Variants in SDK2 observed in about 807,000 individuals in gnomAD.
SDK2 encodes sidekick cell adhesion molecule 2.
A neutral mutation model predicts 253.9 loss-of-function variants in SDK2; 105 were observed. The ratio of observed to expected loss-of-function variants is 0.41; its 90% CI spans 0.35 to 0.49. The LOEUF (loss-of-function observed/expected upper bound fraction) is 0.49, where lower values mean the gene tolerates loss of function less well. SDK2 is among the 20% of genes least tolerant of loss of function. SDK2 has a pLI of 0.06. For missense variants in SDK2, 2,608 were observed against 3,003.0 expected (o/e 0.87, Z 3.07); for synonymous variants, 1,249 against 1,234.9 (o/e 1.01, Z -0.24).
rs9894883 is a variant in SDK2, at chr17:73,335,409, C to T, written c.*3178G>A. On this transcript the variant is annotated 3_prime_UTR_variant, in exon 45 of 45. Coordinates refer to ENST00000392650, the MANE Select transcript of SDK2 (RefSeq NM_001144952.2). ...GGCAGGGGCCCTGGCATCACTGGCA[C>T]GGAAAATCACAGGCCAGAAAGGGTC... The T allele has an allele frequency of 0.97, 148,445 of 152,358 alleles. 72,424 individuals carry two copies. The highest frequency in any genetic ancestry group is 1 in the Middle Eastern group (294 of 294). The allele number at this position is 152,358 out of a possible 1,614,324, so 9.4% of individuals were successfully genotyped here.
intron 1 of SDK2, chr17:73,521,289 C>T (rs1014919638): frequency 6.6e-6 from 1 of 151,942 alleles, no homozygotes; most frequent in East Asian, 1.9e-4. Flanking sequence ...AATGTACCCA[C>T]CTCGGCCTCC....
intron 1 of SDK2, among the ~76,000 whole-genome samples, chr17:73,631,062 C>T (rs1046091603): frequency 3.3e-5 from 5 of 152,196 alleles, no homozygotes; most frequent in African/African-American, 1.2e-4. Context: ...CCTGAAGCCA[C>T]AGCCAGAAGC....
intron 4 of SDK2, among the ~76,000 whole-genome samples, chr17:73,454,568 G>A (rs1354492972): frequency 6.6e-6 from 1 of 152,256 alleles, no homozygotes; most frequent in Admixed American, 6.5e-5. Flanking sequence ...GAAGGAGAAC[G>A]AGATTGAGAG....
intron 44 of SDK2, among the ~76,000 whole-genome samples, chr17:73,341,374 C>G (rs1056782027): frequency 4.6e-5 from 7 of 151,974 alleles, no homozygotes. Context: ...CACCCCTTCC[C>G]CTACCCTGAG....
chr17:73,375,054 C>T (rs147226038), intron 36 of SDK2, among the ~76,000 whole-genome samples: 53 of 152,088 alleles, frequency 3.5e-4, no homozygotes, highest in African/African-American at 1.0e-3. Flanking sequence ...TCTCCCATTG[C>T]GCTCCCTGGA....
At chr17:73,582,594 G>A (rs1171142803) in intron 1 of SDK2, among the ~76,000 whole-genome samples, 2 of 152,200 alleles carry the variant, frequency 1.3e-5, no homozygotes, top group Admixed American at 6.5e-5. Context: ...CAGGCTCCCG[G>A]AAGGCTCCTG....
chr17:73,476,857 GC>G (rs1199911685), intron 2 of SDK2, among the ~76,000 whole-genome samples: 4 of 152,152 alleles, frequency 2.6e-5, no homozygotes, highest in Non-Finnish European at 4.4e-5. Context: ...CCTCCCCCAG[GC>G]CGCCCTCTGT....
Position 73,401,117 on chromosome 17 carries a change from G to A in SDK2, c.2874C>T (p.Leu958=), listed in dbSNP as rs781057087. Reference sequence around the variant, plus strand: ...CGATGGTGTAGGTGGTGAGCGCGGTGAGGCCCGTGACACGGTACTCCAGGG... The same window carrying A: ...CGATGGTGTAGGTGGTGAGCGCGGTAAGGCCCGTGACACGGTACTCCAGGG... ...NVTLEYRVTG[L]TALTTYTIEV... is the part of the protein sequence containing the mutation. The change falls in exon 21 of 45, where the codon CTC becomes CTT. Residue 958 remains leucine (L), a synonymous_variant. Coordinates refer to ENST00000392650, the MANE Select transcript of SDK2 (RefSeq NM_001144952.2). 7.7e-6 allele frequency: 12 copies of A among 1,563,662 alleles called. No individual in the cohort carries two copies. The African/African-American group carries it at 9.5e-5, about 12-fold the overall frequency.
chr17:73,389,091 C>CAAA (rs2062904474), intron 29 of SDK2, among the ~76,000 whole-genome samples: 1 of 150,388 alleles, frequency 6.6e-6, no homozygotes, highest in Non-Finnish European at 1.5e-5. Flanking sequence ...ACTACAGCCT[C>CAAA]AAACTCCTTG....
intron 43 of SDK2, among the ~76,000 whole-genome samples, chr17:73,349,267 G>C (rs983549674): frequency 6.6e-6 from 1 of 152,258 alleles, no homozygotes. Context: ...ATTTGGCAGA[G>C]GATAAGAGCT....
At chr17:73,637,882 T>C (rs374348835) in intron 1 of SDK2, among the ~76,000 whole-genome samples, 4 of 152,364 alleles carry the variant, frequency 2.6e-5, no homozygotes, top group Admixed American at 2.0e-4. Context: ...CCAACCCAGA[T>C]GCCAGGCCTG....
intron 1 of SDK2, among the ~76,000 whole-genome samples, chr17:73,531,926 T>C (rs960066914): frequency 6.6e-6 from 1 of 152,168 alleles, no homozygotes; most frequent in Non-Finnish European, 1.5e-5. Context: ...TCCTGGACAC[T>C]GCCAGTCTAG....
chr17:73,636,702 A>AAG (rs1555612504), intron 1 of SDK2, among the ~76,000 whole-genome samples: 47 of 99,972 alleles, frequency 4.7e-4, no homozygotes, highest in African/African-American at 1.8e-3. Flanking sequence ...AAAAAAAAAA[A>AAG]AAAAGAAAAG....
At chr17:73,581,296 A>C (rs1332312584) in intron 1 of SDK2, among the ~76,000 whole-genome samples, 1 of 152,172 alleles carries the variant, frequency 6.6e-6, no homozygotes, top group Non-Finnish European at 1.5e-5. Context: ...GGCCCTGCAA[A>C]CTAGGTAGCC....
rs1211420930 is a variant in SDK2, at chr17:73,338,349, G to A, written c.*238C>T. 2 of 665,582 alleles carry A rather than the reference G, an allele frequency of 3.0e-6. No individual in the cohort carries two copies. Among genetic ancestry groups the A allele is most frequent in the South Asian group, 3.0e-5 (2 of 66,416 alleles). The allele number at this position is 665,582 out of a possible 1,614,324, so 41.2% of individuals were successfully genotyped here. On this transcript the variant is annotated 3_prime_UTR_variant, in exon 45 of 45. Transcript: ENST00000392650. The surrounding 1 kb of genome is among the most constrained non-coding windows in gnomAD (Gnocchi z 5.0). ...CCCCAGCTCCGTGTAATTCCCAAGG[G>A]AGCAGTGAACCCCACCATCTCAAAG...
chr17:73,437,714 C>T (rs775410718), intron 8 of SDK2, 25 bp downstream of exon 8: 2 of 1,592,608 alleles, frequency 1.3e-6, no homozygotes, highest in Admixed American at 1.7e-5. Flanking sequence ...GTCTTTGTCC[C>T]CCTCCAGCGG....
chr17:73,561,186 A>C (rs2045227676), intron 1 of SDK2, among the ~76,000 whole-genome samples: 1 of 152,138 alleles, frequency 6.6e-6, no homozygotes, highest in South Asian at 2.1e-4. Flanking sequence ...CAAGCGAGCT[A>C]TTTTGGGTCT....
intron 1 of SDK2, among the ~76,000 whole-genome samples, chr17:73,510,467 T>C (rs968225172): frequency 3.3e-5 from 5 of 152,116 alleles, no homozygotes; most frequent in Admixed American, 2.6e-4. Context: ...GAGGCTGCCT[T>C]CGACTGCTCC....
rs562500975 is a variant in SDK2, at chr17:73,556,588, G to A, written c.65-48991C>T. On this transcript the variant is annotated intron_variant, in intron 1 of 44. Transcript: ENST00000392650. ...TTCTTCTTTTAAGCACACATTTTAG[G>A]AAAAATATTTGCTGAATTCTTATGC... is the stretch of plus-strand genomic sequence containing the variant. 3.9e-5 allele frequency among the ~76,000 whole-genome samples: 6 copies of A among 152,336 alleles called. No individual in the cohort carries two copies. In the East Asian group the frequency reaches 1.2e-3, roughly 29 times the overall value.
Sources: gnomAD v4.1 joint callset for allele counts (sites outside exome capture counted in the v4.1 genomes callset) on GRCh38, gnomAD v4.1.1 for gene constraint, Gnocchi (gnomAD v3.1) non-coding constraint, MANE v1.5 for transcripts, NCBI Gene and HGNC (gene_info 2026-07-23, HGNC 2026-07-21) for gene names.